The following DYM variants were observed in gnomAD, a reference collection of about 807,000 sequenced individuals.
DYM encodes dyggve-Melchior-Clausen syndrome protein.
Under a neutral mutation model 93.1 loss-of-function variants are expected in DYM, and 78 were observed. The observed-to-expected ratio is 0.84, with a 90% CI of 0.70 to 1.01. The LOEUF (loss-of-function observed/expected upper bound fraction) is 1.01. Ranked by LOEUF, DYM falls within the 50% of genes least tolerant of loss-of-function variation. DYM has a pLI of 0.00. For synonymous variants in DYM, 321 were observed against 319.7 expected (o/e 1.00, Z -0.04); for missense variants, 789 against 845.0 (o/e 0.93, Z 0.82).
At chr18:49,271,995 T>C (rs538135391) in intron 11 of DYM, among the ~76,000 whole-genome samples, 183 bp downstream of exon 11, 1 of 102,094 alleles carries the variant, frequency 9.8e-6, no homozygotes, top group African/African-American at 3.7e-5. Flanking sequence ...TAGTGGTTAA[T>C]AGTCATTCTG....
intron 14 of DYM, among the ~76,000 whole-genome samples, chr18:49,189,674 A>T (rs1471510070): frequency 1.3e-5 from 2 of 152,204 alleles, no homozygotes; most frequent in Middle Eastern, 3.2e-3. Context: ...GCTCAAATGG[A>T]TCATCTTTCT....
intron 10 of DYM, among the ~76,000 whole-genome samples, chr18:49,276,952 A>G (rs1028036021): frequency 1.3e-5 from 2 of 152,184 alleles, no homozygotes; most frequent in African/African-American, 4.8e-5. Context: ...GAACACTAAT[A>G]CATTCCAAAG....
At chr18:49,457,587 G>A (rs532417984) in intron 1 of DYM, among the ~76,000 whole-genome samples, 1 of 152,094 alleles carries the variant, frequency 6.6e-6, no homozygotes, top group Non-Finnish European at 1.5e-5. Flanking sequence ...CGGCCCTCTC[G>A]TTGCATGTAC....
intron 6 of DYM, among the ~76,000 whole-genome samples, chr18:49,338,925 C>T (rs1260144493): frequency 6.6e-6 from 1 of 152,138 alleles, no homozygotes; most frequent in Admixed American, 6.5e-5. Flanking sequence ...AAGATTACTG[C>T]TCAGCAAATG....
intron 6 of DYM, among the ~76,000 whole-genome samples, chr18:49,353,771 A>T (rs951566462): frequency 6.6e-6 from 1 of 152,080 alleles, no homozygotes; most frequent in African/African-American, 2.4e-5. Flanking sequence ...TGATGAAAGA[A>T]ATCAAATAAC....
intron 13 of DYM, among the ~76,000 whole-genome samples, chr18:49,226,273 G>A (rs909289779): frequency 6.6e-6 from 1 of 152,098 alleles, no homozygotes; most frequent in African/African-American, 2.4e-5. Flanking sequence ...TATATTTACA[G>A]GTGTAGATAA....
At chr18:49,110,583 T>C (rs2081300013) in intron 16 of DYM, among the ~76,000 whole-genome samples, 1 of 152,202 alleles carries the variant, frequency 6.6e-6, no homozygotes, top group Non-Finnish European at 1.5e-5. Flanking sequence ...ACTATCTTTG[T>C]TCCTCTGTAT....
chr18:49,227,993 T>C (rs1349857833), intron 13 of DYM, among the ~76,000 whole-genome samples: 2 of 152,104 alleles, frequency 1.3e-5, no homozygotes, highest in Admixed American at 6.6e-5. Flanking sequence ...CCCTTCTAGG[T>C]TCCCACTGTG....
chr18:49,115,493 G>A (rs1395146590), intron 16 of DYM, among the ~76,000 whole-genome samples: 2 of 152,098 alleles, frequency 1.3e-5, no homozygotes, highest in African/African-American at 4.8e-5. Context: ...AAGGAAAAAA[G>A]AAAGATAGGA....
intron 15 of DYM, among the ~76,000 whole-genome samples, chr18:49,127,483 C>A (rs550790473): frequency 5.9e-5 from 9 of 152,088 alleles, no homozygotes; most frequent in African/African-American, 2.2e-4. Context: ...TTAAGAGAAG[C>A]ATATGTATCT....
At chr18:49,180,398 A>T (rs1766129825) in intron 14 of DYM, among the ~76,000 whole-genome samples, 1 of 152,164 alleles carries the variant, frequency 6.6e-6, no homozygotes, top group Non-Finnish European at 1.5e-5. Flanking sequence ...TAAATAGGAA[A>T]ACAATGTTAA....
At position 49,209,563 on chromosome 18, in the gene DYM, G is replaced by T; in HGVS notation, c.1613C>A (p.Ser538Tyr). The T allele has an allele frequency of 7.8e-7, 1 of 1,289,610 alleles. No individual in the cohort carries two copies. The allele number at this position is 1,289,610 out of a possible 1,614,324, so 79.9% of individuals were successfully genotyped here. ...AGAGGTTAATAACCTGGAAGCATAG[G>T]ATCTGAGAATGTGAGAGCAAGTTAA... ...LSLTCSHILR[S>Y]YASSLFSLLS... Residue 538 changes from serine (S) to tyrosine (Y), a missense_variant, in exon 14 of 18, where the codon TCC (serine) becomes TAC (tyrosine). By Grantham distance (144) the Ser-to-Tyr change is moderately radical. Transcript: ENST00000675505.
intron 2 of DYM, among the ~76,000 whole-genome samples, chr18:49,428,635 G>A (rs12605841): frequency 1.3e-5 from 2 of 152,104 alleles, no homozygotes; most frequent in Non-Finnish European, 2.9e-5. Context: ...GCAGTGAGCA[G>A]AGATCGCGCC....
intron 2 of DYM, among the ~76,000 whole-genome samples, chr18:49,405,946 C>T (rs768096708): frequency 1.7e-4 from 26 of 152,098 alleles, no homozygotes; most frequent in East Asian, 5.8e-4. Context: ...TCCACCTCCT[C>T]GGGCAAATGT....
intron 11 of DYM, among the ~76,000 whole-genome samples, chr18:49,258,797 CACACACACACACACACACACACACAGAG>C (rs2094436444): frequency 7.7e-6 from 1 of 130,300 alleles, no homozygotes. Flanking sequence ...CACACACACA[CACACACACACACACACACACACACAGAG>C]ACACACACAC....
At chr18:49,439,621 A>G (rs1433063620) in intron 1 of DYM, among the ~76,000 whole-genome samples, 1 of 152,164 alleles carries the variant, frequency 6.6e-6, no homozygotes, top group African/African-American at 2.4e-5. Context: ...AATATATGAA[A>G]AGATCTTCAG....
chr18:49,391,986 G>C (rs892328485), intron 2 of DYM, among the ~76,000 whole-genome samples: 2 of 152,148 alleles, frequency 1.3e-5, no homozygotes, highest in African/African-American at 4.8e-5. Flanking sequence ...TCTAAAGGCA[G>C]TACTAATTAT....
At chr18:49,297,262 T>A (rs555752989) in intron 8 of DYM, among the ~76,000 whole-genome samples, 15 of 152,212 alleles carry the variant, frequency 9.9e-5, no homozygotes, top group Admixed American at 2.6e-4. Context: ...TTAGTTGTCA[T>A]AAAAATGAAC....
chr18:49,363,293 C>T, intron 5 of DYM, 60 bp from the exon 6 acceptor site: 1 of 1,190,776 alleles, frequency 8.4e-7, no homozygotes, highest in Non-Finnish European at 1.3e-6. Context: ...TACAGTTGTT[C>T]AGAAGTTACA....
Sources: allele counts gnomAD v4.1 joint callset (sites outside exome capture counted in the v4.1 genomes callset), GRCh38; gene constraint gnomAD v4.1.1; transcripts MANE v1.5; gene names NCBI Gene and HGNC (gene_info 2026-07-23, HGNC 2026-07-21).